Variants in GALNT13 observed in about 807,000 individuals in gnomAD.
GALNT13 encodes UDP-GalNAc:polypeptide N-acetylgalactosaminyltransferase 13.
Under a neutral mutation model 64.2 loss-of-function variants are expected in GALNT13, and 28 were observed. The observed-to-expected ratio is 0.44, with a 90% CI of 0.32 to 0.60. The LOEUF (loss-of-function observed/expected upper bound fraction) is 0.60, where lower values mean the gene tolerates loss of function less well. Ranked by LOEUF, GALNT13 falls within the 20% of genes least tolerant of loss-of-function variation. The probability of loss-of-function intolerance (pLI) is 0.05; values close to 1 mark genes in which losing one functional copy is unlikely to be tolerated. For missense variants in GALNT13, 577 were observed against 669.8 expected (o/e 0.86, Z 1.53); for synonymous variants, 214 against 224.6 (o/e 0.95, Z 0.42).
the GALNT13 span, among the ~76,000 whole-genome samples, chr2:153,373,149 TG>T: frequency 6.6e-6 from 1 of 151,956 alleles, no homozygotes; most frequent in Non-Finnish European, 1.5e-5. Context: ...TGTGTGTGTG[TG>T]TGTGTGTGTG....
At chr2:153,791,177 A>G in the GALNT13 span, among the ~76,000 whole-genome samples, 3 of 152,184 alleles carry the variant, frequency 2.0e-5, no homozygotes, top group East Asian at 5.8e-4. Context: ...TTTGCAAGAA[A>G]AAAAGCAAAC....
intron 4 of GALNT13, among the ~76,000 whole-genome samples, chr2:154,188,202 G>A (rs1021959923): frequency 7.2e-5 from 11 of 152,186 alleles, no homozygotes; most frequent in Admixed American, 5.9e-4. Context: ...TTTGCCTTTG[G>A]TCAGATGAAT....
At chr2:153,836,363 G>A in the GALNT13 span, among the ~76,000 whole-genome samples, 2 of 151,824 alleles carry the variant, frequency 1.3e-5, no homozygotes. Context: ...TCTACTCTTA[G>A]CAAATTTCAA....
intron 4 of GALNT13, among the ~76,000 whole-genome samples, chr2:154,177,546 G>C (rs904268639): frequency 2.0e-5 from 3 of 152,062 alleles, no homozygotes; most frequent in Non-Finnish European, 4.4e-5. Context: ...CACCAAGAGT[G>C]AACCTGATTG....
chr2:154,449,501 T>C (rs1455814128), intron 12 of GALNT13, among the ~76,000 whole-genome samples: 1 of 148,600 alleles, frequency 6.7e-6, no homozygotes, highest in East Asian at 2.0e-4. Flanking sequence ...GTATCTAGAG[T>C]GCTATTTTCA....
At chr2:153,598,878 C>T in the GALNT13 span, among the ~76,000 whole-genome samples, 1 of 151,998 alleles carries the variant, frequency 6.6e-6, no homozygotes, top group Non-Finnish European at 1.5e-5. Flanking sequence ...CTGAAAAATT[C>T]TTTCAGTTGA....
chr2:153,518,709 T>C, the GALNT13 span, among the ~76,000 whole-genome samples: 1 of 152,166 alleles, frequency 6.6e-6, no homozygotes, highest in Non-Finnish European at 1.5e-5. Context: ...CTAGAATAAC[T>C]ATAAATATCT....
chr2:154,366,264 TAA>T (rs1456113948), intron 9 of GALNT13, among the ~76,000 whole-genome samples: 1 of 152,204 alleles, frequency 6.6e-6, no homozygotes, highest in Non-Finnish European at 1.5e-5. Context: ...TCCTGTCTTT[TAA>T]AGAGTTTTCA....
At chr2:153,961,836 T>C (rs1001142305) in intron 3 of GALNT13, among the ~76,000 whole-genome samples, 13 of 152,128 alleles carry the variant, frequency 8.5e-5, no homozygotes, top group African/African-American at 3.1e-4. Context: ...CAGTAGAAAT[T>C]ATTGTAATTA....
the GALNT13 span, among the ~76,000 whole-genome samples, chr2:153,536,174 T>C: frequency 6.6e-6 from 1 of 152,212 alleles, no homozygotes; most frequent in Admixed American, 6.5e-5. Flanking sequence ...CTCTCCCATC[T>C]TTAGTGTGGG....
chr2:153,148,413 A>G, the GALNT13 span, among the ~76,000 whole-genome samples: 1 of 151,654 alleles, frequency 6.6e-6, no homozygotes, highest in South Asian at 2.1e-4. Context: ...GGTTCTTTGT[A>G]GTGTGAATCA....
At chr2:154,054,915 T>A (rs1391312111) in intron 3 of GALNT13, among the ~76,000 whole-genome samples, 1 of 152,070 alleles carries the variant, frequency 6.6e-6, no homozygotes, top group African/African-American at 2.4e-5. Flanking sequence ...ATGATGTCAG[T>A]GGGCCACACA....
intron 12 of GALNT13, among the ~76,000 whole-genome samples, chr2:154,447,458 T>A (rs185277134): frequency 6.6e-6 from 1 of 152,048 alleles, no homozygotes; most frequent in Admixed American, 6.6e-5. Flanking sequence ...ACAGGTCAAG[T>A]CAACAAACTG....
chr2:154,252,591 C>T (rs960233923), intron 7 of GALNT13, among the ~76,000 whole-genome samples: 4 of 151,980 alleles, frequency 2.6e-5, no homozygotes, highest in East Asian at 1.9e-4. Flanking sequence ...CTCCTGACCT[C>T]GTGATCCGCC....
the GALNT13 span, among the ~76,000 whole-genome samples, chr2:153,646,282 T>C: frequency 6.6e-6 from 1 of 151,958 alleles, no homozygotes; most frequent in Non-Finnish European, 1.5e-5. Flanking sequence ...CTGAAACATA[T>C]TAATATTATT....
chr2:153,475,874 G>T, the GALNT13 span, among the ~76,000 whole-genome samples: 4 of 152,312 alleles, frequency 2.6e-5, no homozygotes, highest in East Asian at 7.7e-4. Context: ...GCTCTGCTTT[G>T]TGTCTCCCTT....
chr2:154,196,693 C>G (rs773218008), intron 4 of GALNT13, among the ~76,000 whole-genome samples: 1 of 152,174 alleles, frequency 6.6e-6, no homozygotes, highest in Non-Finnish European at 1.5e-5. Context: ...GTTGTATAAA[C>G]TTTGTGATAA....
At chr2:153,997,033 G>A (rs1230086768) in intron 3 of GALNT13, among the ~76,000 whole-genome samples, 3 of 152,016 alleles carry the variant, frequency 2.0e-5, no homozygotes. Context: ...TGGTCTTTGT[G>A]TCTGTTTTTA....
At chr2:154,062,949 T>C (rs1001768233) in intron 3 of GALNT13, among the ~76,000 whole-genome samples, 1 of 152,130 alleles carries the variant, frequency 6.6e-6, no homozygotes, top group African/African-American at 2.4e-5. Context: ...TTAGCATCGA[T>C]GTGATCTGCT....
Sources: gnomAD v4.1 joint callset for allele counts (sites outside exome capture counted in the v4.1 genomes callset) on GRCh38, gnomAD v4.1.1 for gene constraint, MANE v1.5 for transcripts, NCBI Gene and HGNC (gene_info 2026-07-23, HGNC 2026-07-21) for gene names.